The following P2RY12 variants were observed in gnomAD, a reference collection of about 807,000 sequenced individuals.
P2RY12 encodes the protein purinergic receptor P2Y12, also known as P2Y purinoceptor 12.
A neutral mutation model predicts 4.5 loss-of-function variants in P2RY12; 3 were observed. That is an observed-to-expected ratio of 0.67 (90% CI 0.31 to 1.74). The LOEUF is 1.74. Ranked by LOEUF, P2RY12 falls within the 40% of genes most tolerant of loss-of-function variation. The pLI is 0.09. For missense variants in P2RY12, 356 were observed against 407.8 expected (o/e 0.87, Z 1.09); for synonymous variants, 148 against 154.1 (o/e 0.96, Z 0.29).
intron 1 of P2RY12, chr3:151,349,940 G>A: frequency 1.3e-6 from 1 of 774,212 alleles, no homozygotes; most frequent in Non-Finnish European, 2.0e-6. Context: ...TTGAAGGGAG[G>A]GCGGGATGCC....
At position 151,337,648 on chromosome 3, in the gene P2RY12, G is replaced by T; in HGVS notation, c.*169C>A. ...GATTAGTTTTCTATATTTTAAGATAGCTTTTCATACTGGAAAGGTAAATGA... is the reference window on the plus strand; with the variant it reads ...GATTAGTTTTCTATATTTTAAGATATCTTTTCATACTGGAAAGGTAAATGA... On this transcript the variant is annotated 3_prime_UTR_variant, in exon 3 of 3. Transcript: ENST00000302632. 2 of 671,040 alleles carry T rather than the reference G, an allele frequency of 3.0e-6. No homozygotes were observed. Among genetic ancestry groups the T allele is most frequent in the Non-Finnish European group, 4.9e-6 (2 of 404,790 alleles). The allele number at this position is 671,040 out of a possible 1,614,324, so 41.6% of individuals were successfully genotyped here.
intron 1 of P2RY12, among the ~76,000 whole-genome samples, chr3:151,381,340 T>A (rs1234754340): frequency 6.6e-6 from 1 of 152,228 alleles, no homozygotes; most frequent in African/African-American, 2.4e-5. Flanking sequence ...TGAACCTTTT[T>A]AAATGGAAGT....
At chr3:151,377,588 G>A (rs955663353) in intron 1 of P2RY12, among the ~76,000 whole-genome samples, 7 of 152,138 alleles carry the variant, frequency 4.6e-5, no homozygotes, top group African/African-American at 7.2e-5. Context: ...ATCATGAAAG[G>A]CTGATTTGTA....
At chr3:151,341,331 T>G (rs1425499397) in intron 1 of P2RY12, among the ~76,000 whole-genome samples, 1 of 152,156 alleles carries the variant, frequency 6.6e-6, no homozygotes, top group Non-Finnish European at 1.5e-5. Flanking sequence ...GAGAAGTGAT[T>G]GTATCCATTG....
At chr3:151,378,241 A>G (rs1711573236) in intron 1 of P2RY12, 10 of 1,443,348 alleles carry the variant, frequency 6.9e-6, no homozygotes, top group Non-Finnish European at 9.3e-6. Flanking sequence ...ACTTCCTGTA[A>G]ACCTGTGTGG....
chr3:151,360,324 C>T (rs1754458819), intron 1 of P2RY12: 1 of 641,282 alleles, frequency 1.6e-6, no homozygotes, highest in East Asian at 3.0e-5. Flanking sequence ...TTATATTGTA[C>T]TGAGTTATTT....
chr3:151,361,070 A>G (rs1754549030), intron 1 of P2RY12, among the ~76,000 whole-genome samples: 1 of 151,956 alleles, frequency 6.6e-6, no homozygotes, highest in East Asian at 1.9e-4. Context: ...ATCCCTCTTG[A>G]TTTTGATATC....
intron 1 of P2RY12, chr3:151,377,045 A>G (rs781490131): frequency 6.2e-7 from 1 of 1,614,012 alleles, no homozygotes; most frequent in Non-Finnish European, 8.5e-7. Flanking sequence ...TGCAAAGGCA[A>G]CAATAGAGGT....
intron 1 of P2RY12, chr3:151,372,748 G>A (rs776530267): frequency 5.0e-6 from 8 of 1,612,750 alleles, no homozygotes; most frequent in African/African-American, 1.3e-5. Context: ...GATATGTACT[G>A]AGGACTATCT....
chr3:151,382,875 A>G, intron 1 of P2RY12: 1 of 649,772 alleles, frequency 1.5e-6, no homozygotes. Context: ...GCTCTCTGTA[A>G]TTACTTCCCT....
At chr3:151,362,819 CT>C (rs1383821202) in intron 1 of P2RY12, among the ~76,000 whole-genome samples, 1 of 152,012 alleles carries the variant, frequency 6.6e-6, no homozygotes, top group Non-Finnish European at 1.5e-5. Context: ...CAAAATAATC[CT>C]TTGTGAAATA....
At chr3:151,380,357 G>A in intron 1 of P2RY12, 1 of 567,470 alleles carries the variant, frequency 1.8e-6, no homozygotes, top group South Asian at 2.2e-5. Flanking sequence ...AGCACTTTGG[G>A]AGGCGGAGGC....
intron 1 of P2RY12, chr3:151,355,860 A>G (rs1412267542): frequency 1.3e-6 from 2 of 1,557,816 alleles, no homozygotes; most frequent in Non-Finnish European, 1.8e-6. Context: ...TATTTAGAAT[A>G]TTGGTCTTAC....
chr3:151,365,189 C>T, intron 1 of P2RY12: 1 of 1,613,664 alleles, frequency 6.2e-7, no homozygotes, highest in Non-Finnish European at 8.5e-7. Context: ...TATGTATGGG[C>T]CATCAGGATG....
chr3:151,379,842 T>C (rs1711922823), intron 1 of P2RY12, among the ~76,000 whole-genome samples: 1 of 152,238 alleles, frequency 6.6e-6, no homozygotes, highest in Admixed American at 6.5e-5. Flanking sequence ...CACTGTCTTC[T>C]ACCCTCACTG....
At chr3:151,382,588 A>G (rs1006978377) in intron 1 of P2RY12, 3 of 1,131,104 alleles carry the variant, frequency 2.7e-6, no homozygotes, top group Admixed American at 2.2e-5. Context: ...CTATCAGTAT[A>G]AAGCTCAATT....
At chr3:151,357,773 C>A (rs998188560) in intron 1 of P2RY12, among the ~76,000 whole-genome samples, 2 of 152,186 alleles carry the variant, frequency 1.3e-5, no homozygotes, top group African/African-American at 4.8e-5. Context: ...ACATTATCAT[C>A]TTAGAAATTT....
intron 1 of P2RY12, among the ~76,000 whole-genome samples, chr3:151,378,997 A>G (rs1369743232): frequency 2.0e-5 from 3 of 152,226 alleles, no homozygotes; most frequent in Admixed American, 6.5e-5. Context: ...TAAAGGTTAC[A>G]TGAGTTGCTC....
chr3:151,345,523 T>C (rs567278895), intron 1 of P2RY12, among the ~76,000 whole-genome samples: 12 of 135,192 alleles, frequency 8.9e-5, no homozygotes, highest in Admixed American at 4.4e-4. Context: ...TTTTCTTTTT[T>C]TTTTTTTTTT....
Sources: allele counts gnomAD v4.1 joint callset (sites outside exome capture counted in the v4.1 genomes callset), GRCh38; gene constraint gnomAD v4.1.1; transcripts MANE v1.5; gene names NCBI Gene and HGNC (gene_info 2026-07-23, HGNC 2026-07-21).